Variants in CADM2 observed in about 807,000 individuals in gnomAD.
CADM2 encodes the protein immunoglobulin superfamily member 4D.
CADM2 carries 12 observed loss-of-function variants against 49.8 expected under a neutral mutation model. The observed-to-expected ratio is 0.24, with a 90% CI of 0.15 to 0.39. The LOEUF (loss-of-function observed/expected upper bound fraction) is 0.39, where lower values mean the gene tolerates loss of function less well. CADM2 is among the 10% of genes least tolerant of loss of function. The pLI, the probability that CADM2 is intolerant of heterozygous loss-of-function variation, is 1.00. For missense variants in CADM2, 378 were observed against 492.3 expected (o/e 0.77, Z 2.20); for synonymous variants, 214 against 175.4 (o/e 1.22, Z -1.74).
At chr3:85,293,083 T>G (rs1468424481) in intron 1 of CADM2, among the ~76,000 whole-genome samples, 3 of 151,832 alleles carry the variant, frequency 2.0e-5, no homozygotes, top group African/African-American at 7.2e-5. Flanking sequence ...CAAATAGACA[T>G]AATAAAAAAT....
At chr3:85,212,180 G>A (rs1165916717) in intron 1 of CADM2, among the ~76,000 whole-genome samples, 1 of 152,018 alleles carries the variant, frequency 6.6e-6, no homozygotes, top group Non-Finnish European at 1.5e-5. Context: ...TATAGATAAA[G>A]TGTATTTCTT....
intron 3 of CADM2, among the ~76,000 whole-genome samples, chr3:85,823,928 C>T (rs541495856): frequency 1.3e-5 from 2 of 151,912 alleles, no homozygotes; most frequent in East Asian, 1.9e-4. Flanking sequence ...AAATTACAGC[C>T]CATCCGCGAG....
At chr3:85,818,986 A>T (rs1292598428) in intron 3 of CADM2, among the ~76,000 whole-genome samples, 2 of 152,026 alleles carry the variant, frequency 1.3e-5, no homozygotes, top group Non-Finnish European at 1.5e-5. Flanking sequence ...CAAGGTGAGG[A>T]GCAAGGAAGC....
intron 1 of CADM2, among the ~76,000 whole-genome samples, chr3:85,709,509 A>G (rs2067050429): frequency 6.6e-6 from 1 of 152,086 alleles, no homozygotes; most frequent in Non-Finnish European, 1.5e-5. Context: ...CAAGTGCTGA[A>G]CCTACACTAA....
chr3:85,724,014 T>C (rs1307078349), intron 1 of CADM2, among the ~76,000 whole-genome samples: 2 of 151,692 alleles, frequency 1.3e-5, no homozygotes, highest in African/African-American at 4.8e-5. Flanking sequence ...AATAACTCAG[T>C]CTTAAAAACA....
At chr3:85,902,306 A>T (rs1716231837) in intron 5 of CADM2, among the ~76,000 whole-genome samples, 3 of 151,944 alleles carry the variant, frequency 2.0e-5, no homozygotes, top group Admixed American at 2.0e-4. Flanking sequence ...TTTATTTTAA[A>T]ATCTGCTTTG....
intron 1 of CADM2, among the ~76,000 whole-genome samples, chr3:85,484,583 A>G (rs1046909147): frequency 1.3e-5 from 2 of 151,826 alleles, no homozygotes; most frequent in South Asian, 2.1e-4. Flanking sequence ...TGCCATGACA[A>G]TTTTTCTCCT....
rs540312849 is a variant in CADM2, at chr3:85,486,090, C to A, written c.62-240432C>A. ...ACTTATTCTCATTTCAAGTAAAACT[C>A]ATTTGCTCCTCAGCGAAACATACAA... On this transcript the variant is annotated intron_variant, in intron 1 of 9. Transcript: ENST00000383699. Among the ~76,000 whole-genome samples the A allele has an allele frequency of 2.0e-5, 3 of 152,152 alleles. No individual in the cohort carries two copies. In the East Asian group the frequency reaches 5.8e-4, roughly 29 times the overall value.
chr3:85,707,191 C>T (rs192167051), intron 1 of CADM2, among the ~76,000 whole-genome samples: 57 of 151,932 alleles, frequency 3.8e-4, no homozygotes, highest in Non-Finnish European at 5.6e-4. Flanking sequence ...TGATTCTTTA[C>T]CAAATATCTA....
Position 85,476,487 on chromosome 3 carries a change from A to G in CADM2, c.62-250035A>G, listed in dbSNP as rs557766891. On this transcript the variant is annotated intron_variant, in intron 1 of 9. Coordinates refer to ENST00000383699, the MANE Select transcript of CADM2 (RefSeq NM_001167675.2). ...AGAACGTAGAAATATCCAATTGCAG[A>G]GGGAAGATGAATACATTCAGCCTCT... is the stretch of plus-strand genomic sequence containing the variant. Among the ~76,000 whole-genome samples the G allele has an allele frequency of 5.9e-5, 9 of 151,998 alleles. No individual in the cohort carries two copies. The South Asian group carries it at 1.9e-3, about 32-fold the overall frequency.
intron 1 of CADM2, among the ~76,000 whole-genome samples, chr3:85,525,836 G>A (rs967618930): frequency 2.6e-5 from 4 of 151,908 alleles, no homozygotes; most frequent in South Asian, 2.1e-4. Flanking sequence ...GCTTTAAGAT[G>A]TATAGTTTAC....
intron 3 of CADM2, among the ~76,000 whole-genome samples, chr3:85,827,067 G>A (rs537574678): frequency 5.3e-5 from 8 of 151,938 alleles, no homozygotes; most frequent in Admixed American, 2.0e-4. Flanking sequence ...ACATATGCAG[G>A]CTAGAAACTG....
intron 6 of CADM2, among the ~76,000 whole-genome samples, chr3:85,920,011 T>C (rs868298969): frequency 6.6e-6 from 1 of 151,986 alleles, no homozygotes; most frequent in Middle Eastern, 3.4e-3. Context: ...GTAATAAAGT[T>C]CTTATCTATG....
chr3:85,131,257 A>G (rs1221917299), intron 1 of CADM2, among the ~76,000 whole-genome samples: 6 of 152,250 alleles, frequency 3.9e-5, no homozygotes, highest in African/African-American at 1.4e-4. Flanking sequence ...AGAGAAGTAC[A>G]AAATACTTTT....
rs796692393 is a variant in CADM2, at chr3:85,530,913, CAA to C, written c.62-195606_62-195605del. 2.8e-3 allele frequency among the ~76,000 whole-genome samples: 345 copies of C among 122,696 alleles called. 4 individuals carry two copies. The highest frequency in any genetic ancestry group is 0.022 in the East Asian group (91 of 4,064). 80.5% of individuals were successfully genotyped at this position (122,696 alleles called of 152,430 possible). ...ACACACACACACACACACACACACACAAAATTCATTATTGTGGAATGTCAGGG... is the reference window on the plus strand; with the variant it reads ...ACACACACACACACACACACACACACAATTCATTATTGTGGAATGTCAGGG... On this transcript the variant is annotated intron_variant, in intron 1 of 9. Transcript: ENST00000383699.
chr3:85,404,147 T>G (rs2035258297), intron 1 of CADM2, among the ~76,000 whole-genome samples: 1 of 152,160 alleles, frequency 6.6e-6, no homozygotes, highest in Admixed American at 6.5e-5. Flanking sequence ...GCTTATAAGC[T>G]TGAATTTGCC....
chr3:85,123,762 C>T (rs940524582), intron 1 of CADM2, among the ~76,000 whole-genome samples: 4 of 151,944 alleles, frequency 2.6e-5, no homozygotes, highest in Non-Finnish European at 4.4e-5. Context: ...TTATCTTATC[C>T]CACAGATATT....
In CADM2 at chr3:85,812,940, A is replaced by C. The variant is rs552494410; in HGVS notation, c.238+10744A>C. Among the ~76,000 whole-genome samples the C allele has an allele frequency of 7.9e-5, 12 of 152,276 alleles. No individual in the cohort carries two copies. In the South Asian group the frequency reaches 1.4e-3, roughly 18 times the overall value. Reference sequence around the variant, plus strand: ...TATATGTACCACATTTTCTTTATCCAGTCTATCATTGATGGACATTCGGGT... The same window carrying C: ...TATATGTACCACATTTTCTTTATCCCGTCTATCATTGATGGACATTCGGGT... On this transcript the variant is annotated intron_variant, in intron 3 of 9. Coordinates refer to ENST00000383699, the MANE Select transcript of CADM2 (RefSeq NM_001167675.2).
intron 1 of CADM2, among the ~76,000 whole-genome samples, chr3:85,138,157 CAGCTGTTCT>C (rs755181885): frequency 2.0e-5 from 3 of 147,304 alleles, no homozygotes; most frequent in Non-Finnish European, 4.5e-5. Context: ...CCATTATTTT[CAGCTGTTCT>C]TTCCTTTGTT....
Sources: gnomAD v4.1 joint callset for allele counts (sites outside exome capture counted in the v4.1 genomes callset) on GRCh38, gnomAD v4.1.1 for gene constraint, MANE v1.5 for transcripts, NCBI Gene and HGNC (gene_info 2026-07-23, HGNC 2026-07-21) for gene names.